The following SORBS3 variants were observed in gnomAD, a reference collection of about 807,000 sequenced individuals.
SORBS3 encodes the protein sorbin and SH3 domain containing 3.
SORBS3 carries 69 observed loss-of-function variants against 98.0 expected under a neutral mutation model. That is an observed-to-expected ratio of 0.70 (90% CI 0.58 to 0.86). The LOEUF (loss-of-function observed/expected upper bound fraction) is 0.86. SORBS3 is among the 40% of genes least tolerant of loss of function. SORBS3 has a pLI of 0.00. For synonymous variants in SORBS3, 394 were observed against 355.4 expected (o/e 1.11, Z -1.22); for missense variants, 954 against 908.5 (o/e 1.05, Z -0.64).
At position 22,571,703 on chromosome 8, in the gene SORBS3, C is replaced by T; in HGVS notation, c.1744-15C>T. On this transcript the variant is annotated splice_polypyrimidine_tract_variant and intron_variant, in intron 18 of 20. Coordinates refer to ENST00000240123, the MANE Select transcript of SORBS3 (RefSeq NM_005775.5). ...TTCCTCCCTCTGACATCCCTTTCTTCCTGTCAACTCCCAGAATCTTGGCAC... is the reference window on the plus strand; with the variant it reads ...TTCCTCCCTCTGACATCCCTTTCTTTCTGTCAACTCCCAGAATCTTGGCAC... 15 of 1,593,914 alleles carry T rather than the reference C, an allele frequency of 9.4e-6. No homozygotes were observed. Among genetic ancestry groups the T allele is most frequent in the Non-Finnish European group, 1.1e-5 (13 of 1,161,764 alleles).
At chr8:22,565,644 A>G (rs968177337) in intron 11 of SORBS3, 182 bp from the exon 12 acceptor site, 3 of 1,055,270 alleles carry the variant, frequency 2.8e-6, no homozygotes, top group Non-Finnish European at 3.6e-6. Context: ...AGCCTCGGGG[A>G]CCCCCGCCCC....
At position 22,563,894 on chromosome 8, in the gene SORBS3, G is replaced by T. The variant is rs566757619; in HGVS notation, c.585-93G>T. ...AGTCAGAGGCAGAGTAGACCCCACA[G>T]CAGGGACAAGGGCAGGGTGAGAGGG... On this transcript the variant is annotated intron_variant, in intron 7 of 20. Transcript: ENST00000240123. 832 of 940,942 alleles carry T rather than the reference G, an allele frequency of 8.8e-4. 15 individuals carry two copies. In the South Asian group the frequency reaches 0.01, roughly 11 times the overall value. The allele number at this position is 940,942 out of a possible 1,614,324, so 58.3% of individuals were successfully genotyped here. A position where few individuals can be genotyped will look rare whatever the true frequency, so the allele number is the denominator to read the frequency against.
chr8:22,563,451 G>A (rs1840337524), intron 7 of SORBS3, among the ~76,000 whole-genome samples: 1 of 149,710 alleles, frequency 6.7e-6, no homozygotes, highest in Non-Finnish European at 1.5e-5. Flanking sequence ...GGCCCAGGGA[G>A]CAGAAATAAC....
At chr8:22,559,715 G>GA (rs1202590085) in intron 5 of SORBS3, among the ~76,000 whole-genome samples, 2 of 148,400 alleles carry the variant, frequency 1.3e-5, no homozygotes, top group African/African-American at 2.5e-5. Flanking sequence ...AAAAAAAAAA[G>GA]AAAAAAAGAA....
chr8:22,552,396 G>A (rs1176823221), intron 1 of SORBS3, among the ~76,000 whole-genome samples: 1 of 152,200 alleles, frequency 6.6e-6, no homozygotes, highest in Non-Finnish European at 1.5e-5. Flanking sequence ...GGACCCCTCC[G>A]CTCTCTGCTA....
intron 16 of SORBS3, among the ~76,000 whole-genome samples, 189 bp from the exon 17 acceptor site, chr8:22,568,959 C>T (rs555738322): frequency 5.3e-5 from 8 of 152,346 alleles, no homozygotes; most frequent in African/African-American, 1.9e-4. Flanking sequence ...CGTTCCCAGA[C>T]TCCTCCCCAT....
chr8:22,566,310 C>A (rs1840418062), intron 12 of SORBS3, 35 bp from the exon 13 acceptor site: 2 of 1,602,986 alleles, frequency 1.2e-6, no homozygotes, highest in Non-Finnish European at 1.7e-6. Context: ...GTGCGGAGCC[C>A]CAGGCTGGAG....
chr8:22,574,830 T>C lies in SORBS3; in HGVS notation c.*102T>C, dbSNP rs779330060. 1.7e-6 allele frequency: 2 copies of C among 1,180,422 alleles called. No individual in the cohort carries two copies. Among genetic ancestry groups the C allele is most frequent in the Admixed American group, 1.7e-5 (1 of 59,028 alleles). 73.1% of individuals were successfully genotyped at this position (1,180,422 alleles called of 1,614,324 possible). A position where few individuals can be genotyped will look rare whatever the true frequency, so the allele number is the denominator to read the frequency against. ...GCCCACATCCTCCTTCCCCAGGACCTGAGCTCCCAGCATCTGCAGACGACC... is the reference window on the plus strand; with the variant it reads ...GCCCACATCCTCCTTCCCCAGGACCCGAGCTCCCAGCATCTGCAGACGACC... On this transcript the variant is annotated 3_prime_UTR_variant, in exon 21 of 21. Coordinates refer to ENST00000240123, the MANE Select transcript of SORBS3 (RefSeq NM_005775.5).
rs1426037394 is a variant in SORBS3, at chr8:22,566,321, G to GCTCAGTCT, written c.951-21_951-14dup. The GCTCAGTCT allele has an allele frequency of 1.9e-6, 3 of 1,608,850 alleles. No individual in the cohort carries two copies. The Admixed American group carries it at 5.0e-5, about 27-fold the overall frequency. ...TGGGGTGCGGAGCCCCAGGCTGGAG[G>GCTCAGTCT]CTCAGTCTCTGTGCCCCGTGCAGCC... On this transcript the variant is annotated intron_variant, in intron 12 of 20. Coordinates refer to ENST00000240123, the MANE Select transcript of SORBS3 (RefSeq NM_005775.5).
upstream of SORBS3, among the ~76,000 whole-genome samples, chr8:22,550,506 C>G (rs180975907): frequency 2.0e-5 from 3 of 152,366 alleles, no homozygotes; most frequent in East Asian, 5.8e-4. Flanking sequence ...TAGAGGCCAG[C>G]AGGCCTATCT....
chr8:22,564,870 G>T, intron 10 of SORBS3: 1 of 1,286,638 alleles, frequency 7.8e-7, no homozygotes, highest in South Asian at 1.8e-5. Flanking sequence ...GAAGCAGCGT[G>T]GGGGTGGGGG....
At chr8:22,565,590 C>A in intron 11 of SORBS3, 1 of 713,022 alleles carries the variant, frequency 1.4e-6, no homozygotes, top group Non-Finnish European at 1.9e-6. Context: ...GACTCCACGT[C>A]AGCCCGACGA....
chr8:22,556,964 T>C, intron 4 of SORBS3, 56 bp downstream of exon 4: 2 of 1,572,864 alleles, frequency 1.3e-6, no homozygotes, highest in Non-Finnish European at 1.7e-6. Context: ...TACAGGGAGC[T>C]GCACTTCTGT....
chr8:22,561,451 C>T (rs561719873), intron 6 of SORBS3, 78 bp downstream of exon 6: 2 of 1,544,712 alleles, frequency 1.3e-6, no homozygotes, highest in East Asian at 2.3e-5. Flanking sequence ...GACTCGCAGC[C>T]CCGCCTGGCT....
At chr8:22,565,101 T>C in intron 10 of SORBS3, 167 bp from the exon 11 acceptor site, 2 of 1,448,274 alleles carry the variant, frequency 1.4e-6, no homozygotes, top group Non-Finnish European at 1.8e-6. Context: ...GGATGCCCTC[T>C]TGGCACCCTG....
rs199895392 is a variant in SORBS3 at position 22,567,055 on chromosome 8, C to T, written c.1191-6C>T. On this transcript the variant is annotated splice_polypyrimidine_tract_variant and splice_region_variant and intron_variant, in intron 15 of 20. Transcript: ENST00000240123. Reference sequence around the variant, plus strand: ...CTTACCCTGCGGTCCTCGTCCCCACCTGCAGGGAGCTGACTCTGCAGAAGG... The same window carrying T: ...CTTACCCTGCGGTCCTCGTCCCCACTTGCAGGGAGCTGACTCTGCAGAAGG... 5.6e-6 allele frequency: 9 copies of T among 1,610,486 alleles called. No homozygotes were observed.
chr8:22,570,548 G>A (rs575057112), intron 17 of SORBS3, among the ~76,000 whole-genome samples: 1 of 152,340 alleles, frequency 6.6e-6, no homozygotes, highest in African/African-American at 2.4e-5. Flanking sequence ...AGACAGAGCA[G>A]GCTGCCTGAG....
Position 22,575,385 on chromosome 8 carries a change from C to A in SORBS3, c.*657C>A. The A allele has an allele frequency of 5.9e-6, 1 of 169,554 alleles. No individual in the cohort carries two copies. The highest frequency in any genetic ancestry group is 1.3e-5 in the Non-Finnish European group (1 of 78,878). 10.5% of individuals were successfully genotyped at this position (169,554 alleles called of 1,614,324 possible). ...GTGGGGCCAGGCACCACTAGCCTGG[C>A]TCAAATATTCCCCAGGGAGACTGCT... On this transcript the variant is annotated 3_prime_UTR_variant, in exon 21 of 21. Coordinates refer to ENST00000240123, the MANE Select transcript of SORBS3 (RefSeq NM_005775.5).
In SORBS3 at chr8:22,558,588, G is replaced by A. The variant is rs1379833201; in HGVS notation, c.478+396G>A. ...GGGGGTGCCTATGAGCTGGCTCCGA[G>A]GTCACCCATCCATTCAGTGAGTCCT... On this transcript the variant is annotated intron_variant, in intron 5 of 20. Coordinates refer to ENST00000240123, the MANE Select transcript of SORBS3 (RefSeq NM_005775.5). Among the ~76,000 whole-genome samples the A allele has an allele frequency of 2.6e-5, 4 of 152,206 alleles. No homozygotes were observed. The East Asian group carries it at 7.7e-4, about 29-fold the overall frequency.
Sources: allele counts gnomAD v4.1 joint callset (sites outside exome capture counted in the v4.1 genomes callset), GRCh38; gene constraint gnomAD v4.1.1; transcripts MANE v1.5; gene names NCBI Gene and HGNC (gene_info 2026-07-23, HGNC 2026-07-21).